Variants in TMPRSS11D observed in about 807,000 individuals in gnomAD.
TMPRSS11D encodes transmembrane serine protease 11D, also known as transmembrane protease serine 11D.
Under a neutral mutation model 44.4 loss-of-function variants are expected in TMPRSS11D, and 32 were observed. The observed-to-expected ratio is 0.72, with a 90% CI of 0.54 to 0.97. The LOEUF (loss-of-function observed/expected upper bound fraction) is 0.97, where lower values mean the gene tolerates loss of function less well. Ranked by LOEUF, TMPRSS11D falls within the 50% of genes least tolerant of loss-of-function variation. The probability of loss-of-function intolerance (pLI) is 0.00; values close to 1 mark genes in which losing one functional copy is unlikely to be tolerated. For missense variants in TMPRSS11D, 446 were observed against 502.6 expected (o/e 0.89, Z 1.08); for synonymous variants, 179 against 177.9 (o/e 1.01, Z -0.05).
At chr4:67,836,833 C>T (rs1015689689) in intron 5 of TMPRSS11D, among the ~76,000 whole-genome samples, 16 of 152,152 alleles carry the variant, frequency 1.1e-4, no homozygotes, top group Non-Finnish European at 5.9e-5. Flanking sequence ...GTCAAAGCAT[C>T]GCGTTCAGTA....
In TMPRSS11D at chr4:67,821,078, G is replaced by A. The variant is rs962407890; in HGVS notation, c.*1259C>T. 13 of 152,240 alleles carry A rather than the reference G, an allele frequency of 8.5e-5. No individual in the cohort carries two copies. Among genetic ancestry groups the A allele is most frequent in the African/African-American group, 2.9e-4 (12 of 41,440 alleles). The allele number at this position is 152,240 out of a possible 1,614,324, so 9.4% of individuals were successfully genotyped here. A position where few individuals can be genotyped will look rare whatever the true frequency, so the allele number is the denominator to read the frequency against. ...CCTGATGCCCAGATGCAGGGAGTTA[G>A]CTTGTAGAAGGAGGAAGCTCTGACG... is the stretch of plus-strand genomic sequence containing the variant. On this transcript the variant is annotated 3_prime_UTR_variant, in exon 10 of 10. Coordinates refer to ENST00000283916, the MANE Select transcript of TMPRSS11D (RefSeq NM_004262.3).
At chr4:67,860,204 G>A (rs529203753) in intron 1 of TMPRSS11D, among the ~76,000 whole-genome samples, 5 of 152,126 alleles carry the variant, frequency 3.3e-5, no homozygotes, top group East Asian at 3.9e-4. Flanking sequence ...ATTAAAAATC[G>A]GCAGAGGCAT....
At chr4:67,862,824 G>A (rs994615149) in intron 1 of TMPRSS11D, among the ~76,000 whole-genome samples, 6 of 151,842 alleles carry the variant, frequency 4.0e-5, no homozygotes, top group East Asian at 1.9e-4. Context: ...ACCAAACACC[G>A]CATGTTCTCG....
intron 1 of TMPRSS11D, among the ~76,000 whole-genome samples, chr4:67,866,677 T>C (rs946065508): frequency 3.3e-5 from 5 of 151,984 alleles, no homozygotes; most frequent in Non-Finnish European, 4.4e-5. Flanking sequence ...TCAGTAGCAT[T>C]TTTATACATC....
intron 3 of TMPRSS11D, among the ~76,000 whole-genome samples, chr4:67,845,724 T>C (rs1277241376): frequency 6.6e-6 from 1 of 152,190 alleles, no homozygotes; most frequent in Non-Finnish European, 1.5e-5. Flanking sequence ...AATATTTCCC[T>C]TCTGATTGAG....
intron 3 of TMPRSS11D, among the ~76,000 whole-genome samples, chr4:67,849,378 T>C (rs542410656): frequency 6.6e-6 from 1 of 152,298 alleles, no homozygotes; most frequent in Admixed American, 6.5e-5. Context: ...CATTGGCGTA[T>C]AAATACAGGT....
At chr4:67,877,407 C>G (rs966544031) in intron 1 of TMPRSS11D, among the ~76,000 whole-genome samples, 2 of 152,182 alleles carry the variant, frequency 1.3e-5, no homozygotes, top group Non-Finnish European at 2.9e-5. Flanking sequence ...GGTCTTGCAT[C>G]TCAGAGTTCT....
chr4:67,822,517 A>C lies in TMPRSS11D; in HGVS notation c.1096-19T>G. ...AGTCACCCTGTAAAAAAACAGAATG[A>C]CTGATTACTTAAGTGCAAAGACAAA... On this transcript the variant is annotated intron_variant, in intron 9 of 9. Transcript: ENST00000283916. 1 of 1,613,512 alleles carries C rather than the reference A, an allele frequency of 6.2e-7. No homozygotes were observed. Among genetic ancestry groups the C allele is most frequent in the Non-Finnish European group, 8.5e-7 (1 of 1,179,688 alleles).
Position 67,854,082 on chromosome 4 carries a change from T to C in TMPRSS11D, c.235A>G (p.Arg79Gly), listed in dbSNP as rs1436760389. ...ATQEYRTLSG[R>G]IESLITKTFK... is the part of the protein sequence containing the mutation. ...TATTAACTTACCAGAGATTCAATTC[T>C]TCCACTCAAAGTCCTGTATTCCTGT... is the stretch of plus-strand genomic sequence containing the variant. The change falls in exon 3 of 10, where the codon AGA (arginine) becomes GGA (glycine). Residue 79 changes from arginine to glycine, a missense_variant. Coordinates refer to ENST00000283916, the MANE Select transcript of TMPRSS11D (RefSeq NM_004262.3). 3.2e-6 allele frequency: 5 copies of C among 1,550,666 alleles called. No individual in the cohort carries two copies. The highest frequency in any genetic ancestry group is 4.4e-6 in the Non-Finnish European group (5 of 1,143,364).
chr4:67,868,459 C>T (rs1329775471), intron 1 of TMPRSS11D, among the ~76,000 whole-genome samples: 7 of 152,226 alleles, frequency 4.6e-5, no homozygotes, highest in East Asian at 1.9e-4. Flanking sequence ...TTCCTTCACT[C>T]GGAGGAGGGA....
rs1415221611 is a variant in TMPRSS11D at position 67,822,600 on chromosome 4, T to A, written c.1096-102A>T. The A allele has an allele frequency of 2.3e-6, 3 of 1,292,908 alleles. No homozygotes were observed. The East Asian group carries it at 7.1e-5, about 30-fold the overall frequency. The allele number at this position is 1,292,908 out of a possible 1,614,324, so 80.1% of individuals were successfully genotyped here. ...GTCGAGGAAGGAGTCACATTCATTATACAAATAAAGTCAGCCTATTTCCTT... is the reference window on the plus strand; with the variant it reads ...GTCGAGGAAGGAGTCACATTCATTAAACAAATAAAGTCAGCCTATTTCCTT... On this transcript the variant is annotated intron_variant, in intron 9 of 9. Transcript: ENST00000283916.
intron 1 of TMPRSS11D, among the ~76,000 whole-genome samples, chr4:67,871,724 A>G (rs143973105): frequency 2.0e-5 from 3 of 152,302 alleles, no homozygotes; most frequent in East Asian, 3.9e-4. Context: ...TCTTGCTTCC[A>G]TAATTCAGAT....
intron 3 of TMPRSS11D, among the ~76,000 whole-genome samples, chr4:67,846,295 T>G (rs1255051113): frequency 6.6e-6 from 1 of 152,070 alleles, no homozygotes; most frequent in African/African-American, 2.4e-5. Flanking sequence ...TAATACTACA[T>G]TACTAACAAT....
intron 5 of TMPRSS11D, among the ~76,000 whole-genome samples, chr4:67,836,966 A>G (rs2109667619): frequency 6.6e-6 from 1 of 152,248 alleles, no homozygotes; most frequent in East Asian, 1.9e-4. Flanking sequence ...CTTTTGCTAG[A>G]TATCCCAAGC....
chr4:67,848,783 A>G (rs1718425278), intron 3 of TMPRSS11D, among the ~76,000 whole-genome samples: 1 of 152,188 alleles, frequency 6.6e-6, no homozygotes, highest in African/African-American at 2.4e-5. Context: ...CAACTGTACC[A>G]TGGAGAGCAA....
At chr4:67,842,530 T>TAA in intron 4 of TMPRSS11D, 28 bp downstream of exon 4, 1 of 1,596,956 alleles carries the variant, frequency 6.3e-7, no homozygotes, top group Non-Finnish European at 8.6e-7. Flanking sequence ...TATCTATACT[T>TAA]AAATATTTTT....
chr4:67,833,194 G>A lies in TMPRSS11D; in HGVS notation c.692+10C>T, dbSNP rs369425744. On this transcript the variant is annotated intron_variant, in intron 7 of 9. Coordinates refer to ENST00000283916, the MANE Select transcript of TMPRSS11D (RefSeq NM_004262.3). Reference sequence around the variant, plus strand: ...ATTGTTCCCAGATGGGTAGGTAGTGGTGGCCTCACCTTCTGAAGCAGTGAG... The same window carrying A: ...ATTGTTCCCAGATGGGTAGGTAGTGATGGCCTCACCTTCTGAAGCAGTGAG... The A allele has an allele frequency of 4.9e-5, 71 of 1,451,252 alleles. No homozygotes were observed. Among genetic ancestry groups the A allele is most frequent in the Non-Finnish European group, 6.0e-5 (66 of 1,095,220 alleles). The allele number at this position is 1,451,252 out of a possible 1,614,324, so 89.9% of individuals were successfully genotyped here.
intron 1 of TMPRSS11D, among the ~76,000 whole-genome samples, chr4:67,874,818 G>T (rs1051108176): frequency 6.6e-6 from 1 of 152,052 alleles, no homozygotes; most frequent in Non-Finnish European, 1.5e-5. Context: ...GGGTCATTTA[G>T]TAGAGAGGAG....
At position 67,872,034 on chromosome 4, in the gene TMPRSS11D, T is replaced by C. The variant is rs1464001376; in HGVS notation, c.8+11892A>G. Among the ~76,000 whole-genome samples, 4 of 152,154 alleles carry C rather than the reference T, an allele frequency of 2.6e-5. No homozygotes were observed. In the South Asian group the frequency reaches 6.2e-4, roughly 24 times the overall value. ...CCTGACAGGTTAGTTATGTCCTTAC[T>C]GATTAATGTTAGTTAGGGATAGCCC... On this transcript the variant is annotated intron_variant, in intron 1 of 9. Coordinates refer to ENST00000283916, the MANE Select transcript of TMPRSS11D (RefSeq NM_004262.3).
Sources: allele counts gnomAD v4.1 joint callset (sites outside exome capture counted in the v4.1 genomes callset), GRCh38; gene constraint gnomAD v4.1.1; transcripts MANE v1.5; gene names NCBI Gene and HGNC (gene_info 2026-07-23, HGNC 2026-07-21).